Variants in PCBP3 observed in about 807,000 individuals in gnomAD.
PCBP3 encodes poly(rC) binding protein 3, also known as poly(rC)-binding protein 3.
Under a neutral mutation model 52.7 loss-of-function variants are expected in PCBP3, and 25 were observed. The ratio of observed to expected loss-of-function variants is 0.47; its 90% confidence interval spans 0.35 to 0.66. The LOEUF is 0.66. Ranked by LOEUF, PCBP3 falls within the 30% of genes least tolerant of loss-of-function variation. PCBP3 has a pLI of 0.01. For missense variants in PCBP3, 391 were observed against 490.3 expected, an observed-to-expected ratio of 0.80 and a Z score of 1.91; for synonymous variants, 162 against 183.0, an observed-to-expected ratio of 0.89 and a Z score of 0.93.
intron 2 of PCBP3, among the ~76,000 whole-genome samples, chr21:45,733,627 G>A (rs757825421): frequency 4.2e-4 from 64 of 151,812 alleles, no homozygotes; most frequent in Non-Finnish European, 6.8e-4. Context: ...TTCAAATGGA[G>A]TCTAGCTCTG....
chr21:45,668,126 ATCTCAGGGC>A (rs1255835716), intron 1 of PCBP3, among the ~76,000 whole-genome samples: 5 of 152,118 alleles, frequency 3.3e-5, no homozygotes, highest in Non-Finnish European at 7.4e-5. Flanking sequence ...GCTTAGGGCT[ATCTCAGGGC>A]ACTCCAGTTT....
rs778747100 is a variant in PCBP3, at chr21:45,737,235, G to T, written c.-162+1806G>T. Among the ~76,000 whole-genome samples, 3 of 152,164 alleles carry T rather than the reference G, an allele frequency of 2.0e-5. No homozygotes were observed. Among genetic ancestry groups the T allele is most frequent in the South Asian group, 4.1e-4 (2 of 4,828 alleles). On this transcript the variant is annotated intron_variant, in intron 3 of 17. Transcript: ENST00000681687. This position sits in a 1 kb window ranked among gnomAD's most constrained non-coding sequence, Gnocchi z 4.9. ...CTGAGAGGAGCCCACAGCAGGGTGGGTGTGGGAGCAGGGAGCCAGCCAGTC... is the reference window on the plus strand; with the variant it reads ...CTGAGAGGAGCCCACAGCAGGGTGGTTGTGGGAGCAGGGAGCCAGCCAGTC...
rs1165452628 is a variant in PCBP3 at position 45,795,682 on chromosome 21, A to G, written c.-126+40230A>G. Among the ~76,000 whole-genome samples the G allele has an allele frequency of 3.3e-5, 5 of 152,358 alleles. No individual in the cohort carries two copies. In the South Asian group the frequency reaches 1.0e-3, roughly 32 times the overall value. On this transcript the variant is annotated intron_variant, in intron 4 of 17. Transcript: ENST00000681687. ...CTGGCCATATGACTCTAAAGGTTAG[A>G]GAAAGACTTAAAACCAATTCAAGAT...
chr21:45,918,841 T>A (rs1303501532), intron 13 of PCBP3: 1,380 of 104,606 alleles, frequency 0.013, 3 homozygotes, highest in South Asian at 0.017. Flanking sequence ...AGGGAAGAAG[T>A]TACCCTCAGA....
intron 4 of PCBP3, among the ~76,000 whole-genome samples, chr21:45,787,659 C>T (rs1309195374): frequency 6.6e-5 from 10 of 152,154 alleles, no homozygotes; most frequent in Non-Finnish European, 8.8e-5. Flanking sequence ...TGGTCACTGG[C>T]ATTCCTGCCC....
intron 1 of PCBP3, among the ~76,000 whole-genome samples, chr21:45,646,269 C>T (rs766278908): frequency 1.1e-4 from 16 of 152,020 alleles, no homozygotes; most frequent in Non-Finnish European, 1.9e-4. Context: ...CTTGAAAACA[C>T]GCCATTTTAT....
intron 5 of PCBP3, among the ~76,000 whole-genome samples, chr21:45,881,927 T>C (rs1195584064): frequency 6.6e-6 from 1 of 152,232 alleles, no homozygotes; most frequent in African/African-American, 2.4e-5. Flanking sequence ...ATTTTCTTTA[T>C]CCGTTCGTCT....
In PCBP3 at chr21:45,837,686, C is replaced by T. The variant is rs1250440106; in HGVS notation, c.-125-12275C>T. Among the ~76,000 whole-genome samples the T allele has an allele frequency of 1.3e-5, 2 of 152,156 alleles. No homozygotes were observed. The highest frequency in any genetic ancestry group is 2.9e-5 in the Non-Finnish European group (2 of 68,036). On this transcript the variant is annotated intron_variant, in intron 4 of 17. Coordinates refer to ENST00000681687, the MANE Select transcript of PCBP3 (RefSeq NM_001384156.1). This position sits in a 1 kb window ranked among gnomAD's most constrained non-coding sequence, Gnocchi z 4.1. ...CCCTGGTAGGTCTGAGGTGCGATTC[C>T]ACTCAGATTTATTTTTCCTGTGAGG...
At chr21:45,934,740 C>T (rs942814236) in intron 15 of PCBP3, among the ~76,000 whole-genome samples, 6 of 152,134 alleles carry the variant, frequency 3.9e-5, no homozygotes, top group African/African-American at 9.7e-5. Flanking sequence ...TGCAGGAGGC[C>T]GGGGGGTGTC....
intron 4 of PCBP3, among the ~76,000 whole-genome samples, chr21:45,848,989 G>A (rs920651145): frequency 2.0e-5 from 3 of 152,164 alleles, no homozygotes; most frequent in African/African-American, 7.2e-5. Context: ...GGACACAGGT[G>A]GTTTACCAGG....
rs1400017617 is a variant in PCBP3, at chr21:45,735,344, A to G, written c.-199-48A>G. 6.6e-6 allele frequency: 1 copy of G among 152,164 alleles called. No homozygotes were observed. Among genetic ancestry groups the G allele is most frequent in the Non-Finnish European group, 1.5e-5 (1 of 68,034 alleles). 9.4% of individuals were successfully genotyped at this position (152,164 alleles called of 1,614,324 possible). On this transcript the variant is annotated intron_variant, in intron 2 of 17. Transcript: ENST00000681687. This position sits in a 1 kb window ranked among gnomAD's most constrained non-coding sequence, Gnocchi z 4.0. ...TTGTGATTTCTGTCTCTCTTTGGAAAGCCTATGATTTCCAATTTTAATTGT... is the reference window on the plus strand; with the variant it reads ...TTGTGATTTCTGTCTCTCTTTGGAAGGCCTATGATTTCCAATTTTAATTGT...
Position 45,930,466 on chromosome 21 carries a change from G to A in PCBP3, c.797-320G>A, listed in dbSNP as rs572812360. Among the ~76,000 whole-genome samples the A allele has an allele frequency of 1.7e-4, 26 of 152,292 alleles. No homozygotes were observed. The South Asian group carries it at 3.7e-3, about 22-fold the overall frequency. ...CCCTGCCCCAGGAGAGCAGTGACCC[G>A]AGTCAGCCCTAGCCCAGTCGCTGTC... On this transcript the variant is annotated intron_variant, in intron 14 of 17. Transcript: ENST00000681687.
chr21:45,679,601 A>T (rs921321355), intron 2 of PCBP3, among the ~76,000 whole-genome samples: 2 of 152,176 alleles, frequency 1.3e-5, no homozygotes, highest in African/African-American at 4.8e-5. Flanking sequence ...ATGAACCCAC[A>T]GTATTTCTGA....
intron 2 of PCBP3, among the ~76,000 whole-genome samples, chr21:45,669,658 A>T (rs930892847): frequency 9.9e-5 from 15 of 151,810 alleles, no homozygotes; most frequent in African/African-American, 3.1e-4. Context: ...GATACTTCAT[A>T]TAAGTGAAGT....
chr21:45,856,604 G>A lies in PCBP3; in HGVS notation c.10+6509G>A, dbSNP rs558136046. On this transcript the variant is annotated intron_variant, in intron 5 of 17. Coordinates refer to ENST00000681687, the MANE Select transcript of PCBP3 (RefSeq NM_001384156.1). ...TGTGTGGCACGCCCCCCCCACCCCC[G>A]CTCTGCCCCGGTGACGTGCCTGCTC... is the stretch of plus-strand genomic sequence containing the variant. Among the ~76,000 whole-genome samples, 21 of 137,136 alleles carry A rather than the reference G, an allele frequency of 1.5e-4. No homozygotes were observed. In the East Asian group the frequency reaches 3.4e-3, roughly 22 times the overall value. The allele number at this position is 137,136 out of a possible 152,430, so 90.0% of individuals were successfully genotyped here.
At chr21:45,896,673 A>G (rs2095837747) in intron 6 of PCBP3, among the ~76,000 whole-genome samples, 1 of 130,688 alleles carries the variant, frequency 7.7e-6, no homozygotes, top group Non-Finnish European at 1.7e-5. Context: ...TGCCCGGGCC[A>G]TTGGCACTGT....
intron 5 of PCBP3, among the ~76,000 whole-genome samples, chr21:45,883,633 CCTT>C (rs1370336930): frequency 2.0e-5 from 3 of 152,040 alleles, no homozygotes; most frequent in African/African-American, 7.2e-5. Flanking sequence ...TATGTAATGT[CCTT>C]CTCTGTCTCT....
intron 9 of PCBP3, chr21:45,901,419 C>T (rs909134147): frequency 5.7e-6 from 2 of 352,502 alleles, no homozygotes; most frequent in African/African-American, 4.2e-5. Flanking sequence ...ACACCCCACC[C>T]TTCCCCTGGG....
chr21:45,901,756 C>CAGAAAGAGAG (rs71318014), intron 9 of PCBP3, among the ~76,000 whole-genome samples: 17 of 107,190 alleles, frequency 1.6e-4, no homozygotes, highest in Non-Finnish European at 1.5e-4. Flanking sequence ...GAGAGAGAGA[C>CAGAAAGAGAG]AGAGACAGAG....
Sources: gnomAD v4.1 joint callset for allele counts (sites outside exome capture counted in the v4.1 genomes callset) on GRCh38, gnomAD v4.1.1 for gene constraint, Gnocchi (gnomAD v3.1) non-coding constraint, MANE v1.5 for transcripts, NCBI Gene and HGNC (gene_info 2026-07-23, HGNC 2026-07-21) for gene names.